Variants in C3orf22 observed in about 807,000 individuals in gnomAD.
The protein encoded by C3orf22 is chromosome 3 open reading frame 22.
C3orf22 carries 7 observed loss-of-function variants against 10.8 expected under a neutral mutation model. The observed-to-expected ratio is 0.65, with a 90% CI of 0.37 to 1.22. C3orf22 has a LOEUF of 1.22. C3orf22 is among the 50% of genes most tolerant of loss of function. C3orf22 has a pLI of 0.02. For synonymous variants in C3orf22, 79 were observed against 78.9 expected, an observed-to-expected ratio of 1.00 and a Z score of 0.00; for missense variants, 173 against 177.0, an observed-to-expected ratio of 0.98 and a Z score of 0.13.
At chr3:126,543,793 C>T (rs1428048077) in intron 4 of C3orf22, among the ~76,000 whole-genome samples, 2 of 152,052 alleles carry the variant, frequency 1.3e-5, no homozygotes, top group Non-Finnish European at 2.9e-5. Context: ...TGTCTTGGGC[C>T]ACTTGTCTCT....
At chr3:126,555,108 G>A (rs1414452972) in intron 1 of C3orf22, among the ~76,000 whole-genome samples, 2 of 152,212 alleles carry the variant, frequency 1.3e-5, no homozygotes, top group Admixed American at 6.5e-5. Flanking sequence ...CTGGCCACTC[G>A]GAGGAAGTCT....
chr3:126,556,166 GCACAGCACCTCTGCCCTCACCTC>G (rs1937324173), intron 1 of C3orf22, among the ~76,000 whole-genome samples: 1 of 152,186 alleles, frequency 6.6e-6, no homozygotes, highest in South Asian at 2.1e-4. Flanking sequence ...AGGGGCCCAT[GCACAGCACCTCTGCCCTCACCTC>G]CACACCTGGA....
intron 3 of C3orf22, among the ~76,000 whole-genome samples, chr3:126,550,367 G>C (rs1169124852): frequency 6.6e-6 from 1 of 152,158 alleles, no homozygotes; most frequent in Non-Finnish European, 1.5e-5. Flanking sequence ...GCCCATAAGT[G>C]GCTGGGGACG....
intron 1 of C3orf22, among the ~76,000 whole-genome samples, chr3:126,556,602 C>T (rs1937335874): frequency 1.3e-5 from 2 of 152,098 alleles, no homozygotes; most frequent in South Asian, 2.1e-4. Flanking sequence ...AAGAAGGCGG[C>T]CGCTAAGCAG....
downstream of C3orf22, among the ~76,000 whole-genome samples, chr3:126,549,251 G>A (rs77232501): frequency 7.1e-5 from 7 of 98,310 alleles, no homozygotes; most frequent in Non-Finnish European, 1.3e-4. Context: ...CCTCATCCAC[G>A]CCCCCCCCCC....
chr3:126,557,066 TCA>T (rs1391905036), intron 1 of C3orf22, among the ~76,000 whole-genome samples: 1 of 149,990 alleles, frequency 6.7e-6, no homozygotes, highest in African/African-American at 2.5e-5. Context: ...ACTCACACAT[TCA>T]CACACAGATT....
chr3:126,553,978 G>A (rs1367868358), intron 1 of C3orf22, among the ~76,000 whole-genome samples: 1 of 152,176 alleles, frequency 6.6e-6, no homozygotes, highest in Non-Finnish European at 1.5e-5. Flanking sequence ...ATTTCTCTGA[G>A]ATATATTGCT....
At chr3:126,544,634 C>A (rs1001608217) in intron 4 of C3orf22, among the ~76,000 whole-genome samples, 2 of 152,220 alleles carry the variant, frequency 1.3e-5, no homozygotes, top group African/African-American at 4.8e-5. Context: ...ACTCAGCTCC[C>A]ACACAGCCCC....
rs146375052 is a variant in C3orf22, at chr3:126,550,453, A to G, written c.216-375T>C. On this transcript the variant is annotated intron_variant, in intron 3 of 3. Transcript: ENST00000318225. ...CCGGAGGCATACTTACTTCTCTGCC[A>G]TGCCAACCTGACTGTGAGGACACCC... Among the ~76,000 whole-genome samples, 5 of 152,272 alleles carry G rather than the reference A, an allele frequency of 3.3e-5. No homozygotes were observed. The East Asian group carries it at 9.7e-4, about 29-fold the overall frequency.
chr3:126,529,134 T>C, exon 5 of C3orf22: 1 of 360,166 alleles, frequency 2.8e-6, no homozygotes, highest in Non-Finnish European at 5.2e-6. Flanking sequence ...GCCCTCACCC[T>C]GCACAGGGCG....
Position 126,531,540 on chromosome 3 carries a change from T to C in C3orf22, c.287-2168A>G, listed in dbSNP as rs555318819. ...TCTTACGGACATATTAAGACAGCCA[T>C]TTCACATAAATGGAATCGTGTCTTA... On this transcript the variant is annotated intron_variant and NMD_transcript_variant, in intron 4 of 5. Transcript: ENST00000505070. Among the ~76,000 whole-genome samples the C allele has an allele frequency of 3.3e-5, 5 of 152,360 alleles. No homozygotes were observed. In the South Asian group the frequency reaches 1.0e-3, roughly 32 times the overall value.
At chr3:126,549,537 C>T (rs1224671086), downstream of C3orf22, 1 of 743,120 alleles carries the variant, frequency 1.3e-6, no homozygotes, top group African/African-American at 1.8e-5. Flanking sequence ...ATTTACTTAC[C>T]TGTGTGAGTG....
intron 3 of C3orf22, among the ~76,000 whole-genome samples, chr3:126,551,255 T>G (rs201134874): frequency 6.1e-5 from 6 of 98,542 alleles, no homozygotes; most frequent in Non-Finnish European, 1.2e-4. Context: ...GACCCCCCCC[T>G]GCCCCTGACA....
chr3:126,534,506 AACAG>A (rs1324401079), intron 4 of C3orf22, among the ~76,000 whole-genome samples: 3 of 147,482 alleles, frequency 2.0e-5, no homozygotes, highest in Admixed American at 1.4e-4. Context: ...CTAGCAGAAA[AACAG>A]ACAGCATCCC....
intron 4 of C3orf22, among the ~76,000 whole-genome samples, chr3:126,534,041 G>A (rs28670960): frequency 0.045 from 6,834 of 152,048 alleles, 231 homozygotes; most frequent in African/African-American, 0.095. Context: ...ATCCTTTCTT[G>A]TTTCTTTAAG....
intron 2 of C3orf22, 122 bp downstream of exon 2, chr3:126,553,180 G>T: frequency 1.3e-6 from 1 of 775,612 alleles, no homozygotes; most frequent in Non-Finnish European, 2.3e-6. Flanking sequence ...GGCTGCTAAG[G>T]GTCTCCCTGT....
intron 4 of C3orf22, among the ~76,000 whole-genome samples, chr3:126,538,511 A>C (rs1431242716): frequency 6.6e-6 from 1 of 152,226 alleles, no homozygotes; most frequent in Non-Finnish European, 1.5e-5. Context: ...GAAGCTGAAG[A>C]TATGGCTCCC....
chr3:126,543,330 T>TG (rs1185372365), intron 4 of C3orf22: 4 of 152,268 alleles, frequency 2.6e-5, no homozygotes, highest in African/African-American at 9.6e-5. Flanking sequence ...CCATTTTCTC[T>TG]GGGAGACTGC....
At chr3:126,534,926 C>A (rs569678930) in intron 4 of C3orf22, among the ~76,000 whole-genome samples, 134 of 137,692 alleles carry the variant, frequency 9.7e-4, no homozygotes, top group African/African-American at 3.4e-3. Flanking sequence ...TGTCCCCAGC[C>A]GGGAGACAGA....
Sources: allele counts gnomAD v4.1 joint callset (sites outside exome capture counted in the v4.1 genomes callset), GRCh38; gene constraint gnomAD v4.1.1; transcripts MANE v1.5; gene names NCBI Gene and HGNC (gene_info 2026-07-23, HGNC 2026-07-21).